ADGRG6: variants seen among roughly 807,000 people sequenced by gnomAD.
ADGRG6 encodes adhesion G protein-coupled receptor G6, also known as G-protein coupled receptor 126.
A neutral mutation model predicts 142.4 loss-of-function variants in ADGRG6; 84 were observed. The ratio of observed to expected loss-of-function variants is 0.59; its 90% CI spans 0.49 to 0.71. The LOEUF (loss-of-function observed/expected upper bound fraction) is 0.71, where lower values mean the gene tolerates loss of function less well. ADGRG6 is among the 30% of genes least tolerant of loss of function. ADGRG6 has a pLI of 0.00. For synonymous variants in ADGRG6, 521 were observed against 520.5 expected (o/e 1.00, Z -0.01); for missense variants, 1,367 against 1,466.6 (o/e 0.93, Z 1.11).
At chr6:142,311,088 T>C (rs775174444) in intron 2 of ADGRG6, among the ~76,000 whole-genome samples, 2 of 151,982 alleles carry the variant, frequency 1.3e-5, no homozygotes, top group Non-Finnish European at 2.9e-5. Flanking sequence ...TTTGAATAAA[T>C]GAAGCACATG....
intron 2 of ADGRG6, among the ~76,000 whole-genome samples, chr6:142,342,986 T>G (rs1239071946): frequency 6.6e-6 from 1 of 151,820 alleles, no homozygotes; most frequent in Non-Finnish European, 1.5e-5. Flanking sequence ...GGATTCTTAA[T>G]ATAAAACTGG....
At position 142,415,857 on chromosome 6, in the gene ADGRG6, C is replaced by G. The variant is rs1453525736; in HGVS notation, c.2731C>G (p.Leu911Val). The G allele has an allele frequency of 3.1e-6, 5 of 1,612,340 alleles. No homozygotes were observed. The highest frequency in any genetic ancestry group is 2.2e-5 in the East Asian group (1 of 44,870). Reference protein sequence around the residue: ...LMNLSTALLFLNLLFLLDGWI... With the variant: ...LMNLSTALLFVNLLFLLDGWI... ...GAACCTGAGCACAGCCCTGCTGTTC[C>G]TGAATCTCCTCTTCCTCCTAGATGG... The change falls in exon 20 of 25, where the codon CTG (leucine) becomes GTG (valine). Residue 911 changes from leucine to valine, a missense_variant. Leu to Val is a conservative substitution (Grantham distance 32). Transcript: ENST00000367609.
intron 2 of ADGRG6, among the ~76,000 whole-genome samples, chr6:142,356,316 A>C (rs1780442237): frequency 1.3e-5 from 2 of 152,210 alleles, no homozygotes; most frequent in Admixed American, 6.5e-5. Context: ...CTAAGCCAGC[A>C]ATATTCAAAA....
intron 2 of ADGRG6, among the ~76,000 whole-genome samples, chr6:142,358,865 G>T (rs542532038): frequency 2.0e-5 from 3 of 151,930 alleles, no homozygotes; most frequent in Admixed American, 2.0e-4. Context: ...CCGAGATCAT[G>T]CAAGCCTGGG....
intron 1 of ADGRG6, among the ~76,000 whole-genome samples, chr6:142,302,920 C>A (rs1339107087): frequency 1.3e-5 from 2 of 152,120 alleles, no homozygotes; most frequent in African/African-American, 4.8e-5. Flanking sequence ...TTTGAGGGGA[C>A]TTCCATAGAC....
intron 2 of ADGRG6, among the ~76,000 whole-genome samples, chr6:142,348,215 T>C (rs1398621634): frequency 6.6e-6 from 1 of 152,144 alleles, no homozygotes; most frequent in Non-Finnish European, 1.5e-5. Context: ...TAGGTTTATG[T>C]TCTAGGACAG....
At chr6:142,302,386 T>C in intron 1 of ADGRG6, 55 bp downstream of exon 1, 1 of 1,590,588 alleles carries the variant, frequency 6.3e-7, no homozygotes, top group Non-Finnish European at 8.6e-7. Context: ...GTGTCCACCT[T>C]CTGTCGCCCC....
chr6:142,445,729 A>T lies in ADGRG6; in HGVS notation c.*2214A>T, dbSNP rs1012867984. 4 of 152,180 alleles carry T rather than the reference A, an allele frequency of 2.6e-5. No individual in the cohort carries two copies. The highest frequency in any genetic ancestry group is 9.7e-5 in the African/African-American group (4 of 41,448). 9.4% of individuals were successfully genotyped at this position (152,180 alleles called of 1,614,324 possible). A position where few individuals can be genotyped will look rare whatever the true frequency, so the allele number is the denominator to read the frequency against. On this transcript the variant is annotated 3_prime_UTR_variant, in exon 25 of 25. Transcript: ENST00000367609. ...TTCTAAGCATGCAGTTCTCACCTCC[A>T]TTTAGTCCCCCATCAGAACAGAGGT...
Position 142,411,368 on chromosome 6 carries a change from C to T in ADGRG6, c.2498C>T (p.Thr833Ile), listed in dbSNP as rs138824051. Residue 833 changes from threonine to isoleucine, a missense_variant, in exon 18 of 25, where the codon ACA (threonine) becomes ATA (isoleucine). Around this residue, in one of 3 missense-constraint regions of ADGRG6, gnomAD observed 286 missense variants for 371.4 expected, o/e 0.77. Coordinates refer to ENST00000367609, the MANE Select transcript of ADGRG6 (RefSeq NM_198569.3). Reference sequence around the variant, plus strand: ...CACAGAGATTCAGATGCAAGTGAGACAGTCTGCCTGTGTAACCACTTCACA... The same window carrying T: ...CACAGAGATTCAGATGCAAGTGAGATAGTCTGCCTGTGTAACCACTTCACA... The part of the protein sequence containing the change: ...VAHRDSDASE[T>I]VCLCNHFTHF... 11 of 1,607,648 alleles carry T rather than the reference C, an allele frequency of 6.8e-6. No individual in the cohort carries two copies. The highest frequency in any genetic ancestry group is 9.4e-6 in the Non-Finnish European group (11 of 1,174,308).
chr6:142,408,048 T>A (rs1775897910), intron 15 of ADGRG6, 102 bp from the exon 16 acceptor site: 6 of 748,192 alleles, frequency 8.0e-6, no homozygotes, highest in Admixed American at 5.6e-5. Flanking sequence ...GAACTGAAGA[T>A]CTTAAGTGTA....
chr6:142,321,290 C>G (rs1210091617), intron 2 of ADGRG6, among the ~76,000 whole-genome samples: 1 of 150,860 alleles, frequency 6.6e-6, no homozygotes, highest in Non-Finnish European at 1.5e-5. Flanking sequence ...CATGCATACA[C>G]ACACACACAC....
At chr6:142,412,534 A>C (rs1347333650) in intron 18 of ADGRG6, among the ~76,000 whole-genome samples, 1 of 152,192 alleles carries the variant, frequency 6.6e-6, no homozygotes, top group African/African-American at 2.4e-5. Context: ...TTTCCTGACA[A>C]TCAAGTACAT....
At position 142,437,493 on chromosome 6, in the gene ADGRG6, C is replaced by T. The variant is rs747316312; in HGVS notation, c.3379C>T (p.Gln1127Ter). 1.7e-5 allele frequency: 27 copies of T among 1,582,486 alleles called. 1 individual carries two copies. The highest frequency in any genetic ancestry group is 3.3e-4 in the Middle Eastern group (2 of 6,032). ...GGAGAATGTTCAGAAACAGTGGCGG[C>T]AGCATCTCTGCTGTGGTAGATTTCG... ...MKENVQKQWRQHLCCGRFRLA... is the reference protein window; with the variant it reads ...MKENVQKQWR The change falls in exon 23 of 25, where the codon CAG becomes TAG. Residue 1127 changes from glutamine to a stop codon, truncating the protein, a stop_gained. Transcript: ENST00000367609. LOFTEE classifies it high-confidence loss of function.
At chr6:142,362,763 C>T (rs1261462943) in intron 2 of ADGRG6, among the ~76,000 whole-genome samples, 3 of 152,114 alleles carry the variant, frequency 2.0e-5, no homozygotes, top group East Asian at 1.9e-4. Context: ...AATGATGTTA[C>T]ATCTGACAGC....
intron 22 of ADGRG6, among the ~76,000 whole-genome samples, chr6:142,420,781 A>G (rs1344042770): frequency 6.6e-6 from 1 of 152,166 alleles, no homozygotes; most frequent in Non-Finnish European, 1.5e-5. Context: ...AGTATACTCT[A>G]TAATAAATTT....
chr6:142,406,432 G>A (rs113861096), intron 15 of ADGRG6, among the ~76,000 whole-genome samples: 133 of 152,292 alleles, frequency 8.7e-4, no homozygotes, highest in African/African-American at 2.8e-3. Context: ...CAACCTGATC[G>A]AGAGCAGGTT....
At chr6:142,335,386 C>T (rs1418166061) in intron 2 of ADGRG6, among the ~76,000 whole-genome samples, 3 of 151,938 alleles carry the variant, frequency 2.0e-5, no homozygotes, top group Non-Finnish European at 2.9e-5. Context: ...GTGAGAAAAT[C>T]GAAGGCCAGA....
chr6:142,402,934 C>T (rs1188921474), intron 13 of ADGRG6, 104 bp downstream of exon 13: 1 of 622,452 alleles, frequency 1.6e-6, no homozygotes, highest in Non-Finnish European at 2.7e-6. Context: ...GAATTCAAAT[C>T]TCTGCAAGAT....
chr6:142,368,050 T>C, intron 3 of ADGRG6, 140 bp downstream of exon 3: 2 of 608,470 alleles, frequency 3.3e-6, no homozygotes, highest in Admixed American at 2.9e-5. Context: ...AAGAATCTGT[T>C]AATATTCTCT....
Sources: allele counts gnomAD v4.1 joint callset (sites outside exome capture counted in the v4.1 genomes callset), GRCh38; gene constraint gnomAD v4.1.1; regional missense constraint gnomAD v4.1.1; transcripts MANE v1.5; gene names NCBI Gene and HGNC (gene_info 2026-07-23, HGNC 2026-07-21).